SDK1: variants seen among roughly 807,000 people sequenced by gnomAD.
The protein encoded by SDK1 is protein sidekick-1.
Under a neutral mutation model 245.5 loss-of-function variants are expected in SDK1, and 157 were observed. That is an observed-to-expected ratio of 0.64 (90% CI 0.56 to 0.73). The LOEUF (loss-of-function observed/expected upper bound fraction) is 0.73, where lower values mean the gene tolerates loss of function less well. Ranked by LOEUF, SDK1 falls within the 30% of genes least tolerant of loss-of-function variation. SDK1 has a pLI of 0.00. For missense variants in SDK1, 3,583 were observed against 3,002.3 expected, an observed-to-expected ratio of 1.19 and a Z score of -4.52; for synonymous variants, 1,647 against 1,278.5, an observed-to-expected ratio of 1.29 and a Z score of -6.15.
intron 1 of SDK1, among the ~76,000 whole-genome samples, chr7:3,592,689 A>T (rs923682900): frequency 3.3e-5 from 5 of 152,166 alleles, no homozygotes; most frequent in African/African-American, 1.2e-4. Context: ...CAGGCTGATG[A>T]AGCGTGGGGA....
intron 1 of SDK1, among the ~76,000 whole-genome samples, chr7:3,589,831 GACAA>G (rs1780804299): frequency 6.6e-6 from 1 of 152,198 alleles, no homozygotes; most frequent in African/African-American, 2.4e-5. Flanking sequence ...TGGGGACACA[GACAA>G]ACCATATCAG....
At chr7:4,175,742 C>T (rs749403709) in intron 33 of SDK1, 33 bp from the exon 34 acceptor site, 2 of 1,597,004 alleles carry the variant, frequency 1.3e-6, no homozygotes, top group Non-Finnish European at 1.7e-6. Context: ...TCCCTGCGTG[C>T]TAACCACCTT....
At chr7:3,549,371 A>T (rs1030506860) in intron 1 of SDK1, among the ~76,000 whole-genome samples, 1 of 152,242 alleles carries the variant, frequency 6.6e-6, no homozygotes, top group Non-Finnish European at 1.5e-5. Flanking sequence ...TGTATTGAAG[A>T]GAAATAATCT....
intron 35 of SDK1, among the ~76,000 whole-genome samples, chr7:4,192,134 G>A (rs1783246392): frequency 1.3e-5 from 2 of 152,220 alleles, no homozygotes; most frequent in African/African-American, 4.8e-5. Flanking sequence ...ACTCCTCACA[G>A]TTGGCCTTAG....
At chr7:3,383,057 A>G (rs1781529210) in intron 1 of SDK1, among the ~76,000 whole-genome samples, 2 of 152,164 alleles carry the variant, frequency 1.3e-5, no homozygotes, top group Non-Finnish European at 2.9e-5. Context: ...TACTAATAAA[A>G]TGTTGTCTTG....
intron 4 of SDK1, among the ~76,000 whole-genome samples, chr7:3,708,073 G>T (rs1784942689): frequency 6.6e-6 from 1 of 152,100 alleles, no homozygotes; most frequent in South Asian, 2.1e-4. Context: ...CTCAGCTTCT[G>T]GGGAGGCCTC....
chr7:3,652,377 C>G (rs1783037163), intron 4 of SDK1, among the ~76,000 whole-genome samples: 1 of 152,308 alleles, frequency 6.6e-6, no homozygotes, highest in African/African-American at 2.4e-5. Flanking sequence ...CATGCACAGA[C>G]AAGCCTGGGA....
intron 4 of SDK1, among the ~76,000 whole-genome samples, chr7:3,767,762 TG>T (rs1405969941): frequency 1.3e-5 from 2 of 152,178 alleles, no homozygotes; most frequent in Non-Finnish European, 2.9e-5. Flanking sequence ...TATCTAATGA[TG>T]GTATTTTGCC....
chr7:4,131,966 A>G (rs1282411569), intron 27 of SDK1, among the ~76,000 whole-genome samples: 2 of 152,130 alleles, frequency 1.3e-5, no homozygotes, highest in Admixed American at 6.6e-5. Flanking sequence ...AGATGAGGGA[A>G]ATCCTTCCTC....
intron 1 of SDK1, among the ~76,000 whole-genome samples, chr7:3,595,091 C>T (rs762622159): frequency 1.3e-5 from 2 of 151,970 alleles, no homozygotes; most frequent in South Asian, 2.1e-4. Context: ...TTCAGCAACG[C>T]GTAGAAGATT....
chr7:3,837,557 A>G (rs931414226), intron 5 of SDK1, among the ~76,000 whole-genome samples: 58 of 152,270 alleles, frequency 3.8e-4, no homozygotes, highest in African/African-American at 1.3e-3. Flanking sequence ...TTCTTGAGGT[A>G]AGTTGGGTGT....
intron 14 of SDK1, among the ~76,000 whole-genome samples, chr7:4,010,051 T>C (rs923551488): frequency 1.3e-5 from 2 of 152,212 alleles, no homozygotes; most frequent in African/African-American, 4.8e-5. Context: ...ATCTCTAATG[T>C]GGGTGAAAGG....
chr7:4,266,568 T>C lies in SDK1; in HGVS notation c.*1184T>C, dbSNP rs34165065. 225,876 of 915,730 alleles carry C rather than the reference T, an allele frequency of 0.25. 26,434 individuals carry two copies. The highest frequency in any genetic ancestry group is 0.34 in the Admixed American group (2,812 of 8,302). 56.7% of individuals were successfully genotyped at this position (915,730 alleles called of 1,614,324 possible). A position where few individuals can be genotyped will look rare whatever the true frequency, so the allele number is the denominator to read the frequency against. On this transcript the variant is annotated 3_prime_UTR_variant, in exon 45 of 45. Coordinates refer to ENST00000404826, the MANE Select transcript of SDK1 (RefSeq NM_152744.4). Reference sequence around the variant, plus strand: ...TTAGCCTTAACAGGTTTTTTGGAAATGTTTCTTTTTTTTATTTAAAATTGT... The same window carrying C: ...TTAGCCTTAACAGGTTTTTTGGAAACGTTTCTTTTTTTTATTTAAAATTGT...
intron 4 of SDK1, among the ~76,000 whole-genome samples, chr7:3,760,321 A>G (rs544743775): frequency 8.5e-5 from 13 of 152,310 alleles, no homozygotes; most frequent in African/African-American, 2.4e-4. Flanking sequence ...ACAATTACCA[A>G]CCACAGCAAT....
At chr7:3,466,979 T>TACACACACACCCAC (rs1781022113) in intron 1 of SDK1, among the ~76,000 whole-genome samples, 1 of 127,544 alleles carries the variant, frequency 7.8e-6, no homozygotes, top group African/African-American at 3.1e-5. Flanking sequence ...TCTCTCTCTC[T>TACACACACACCCAC]ACACACACAC....
At chr7:3,451,281 A>C (rs1336659910) in intron 1 of SDK1, among the ~76,000 whole-genome samples, 2 of 152,150 alleles carry the variant, frequency 1.3e-5, no homozygotes, top group East Asian at 3.9e-4. Flanking sequence ...CAGGAAAAAT[A>C]GGGACCGCTT....
intron 1 of SDK1, among the ~76,000 whole-genome samples, chr7:3,554,974 T>A (rs1475008324): frequency 6.6e-6 from 1 of 152,160 alleles, no homozygotes. Context: ...TTTGTAGATT[T>A]GAAGAATCAA....
Position 3,389,993 on chromosome 7 carries a change from G to A in SDK1, c.298+88109G>A, listed in dbSNP as rs985409605. On this transcript the variant is annotated intron_variant, in intron 1 of 44. Coordinates refer to ENST00000404826, the MANE Select transcript of SDK1 (RefSeq NM_152744.4). Reference sequence around the variant, plus strand: ...GGAAATGAGCTTGTTATTGGTAAGTGGGGGAAAGTGGATCATTGTTATATA... The same window carrying A: ...GGAAATGAGCTTGTTATTGGTAAGTAGGGGAAAGTGGATCATTGTTATATA... 2.6e-5 allele frequency among the ~76,000 whole-genome samples: 4 copies of A among 152,084 alleles called. No homozygotes were observed. The East Asian group carries it at 7.7e-4, about 29-fold the overall frequency.
intron 1 of SDK1, among the ~76,000 whole-genome samples, chr7:3,601,261 A>G (rs1473336626): frequency 6.6e-6 from 1 of 152,090 alleles, no homozygotes; most frequent in Non-Finnish European, 1.5e-5. Flanking sequence ...TTCTTTCTCT[A>G]CTGTTTTCTG....
Sources: allele counts gnomAD v4.1 joint callset (sites outside exome capture counted in the v4.1 genomes callset), GRCh38; gene constraint gnomAD v4.1.1; transcripts MANE v1.5; gene names NCBI Gene and HGNC (gene_info 2026-07-23, HGNC 2026-07-21).